Variants in PCDHA9 observed in about 807,000 individuals in gnomAD.
The protein encoded by PCDHA9 is protocadherin alpha-9.
In PCDHA9, 62 loss-of-function variants were observed where a neutral mutation model predicts 62.0. The ratio of observed to expected loss-of-function variants is 1.00; its 90% CI spans 0.81 to 1.23. The LOEUF (loss-of-function observed/expected upper bound fraction) is 1.23. Among genes scored for constraint, PCDHA9 ranks in the 50% most tolerant of loss-of-function variants. The pLI is 0.00. For synonymous variants in PCDHA9, 557 were observed against 567.6 expected, an observed-to-expected ratio of 0.98 and a Z score of 0.27; for missense variants, 1,205 against 1,249.8, an observed-to-expected ratio of 0.96 and a Z score of 0.54.
At chr5:140,884,301 C>G (rs375535055) in intron 1 of PCDHA9, 2 of 1,613,726 alleles carry the variant, frequency 1.2e-6, no homozygotes, top group South Asian at 1.1e-5. Context: ...GCGCCACAGG[C>G]TTCGTCGAGG....
chr5:140,928,081 C>T (rs782268064), intron 1 of PCDHA9: 1 of 1,614,090 alleles, frequency 6.2e-7, no homozygotes, highest in Non-Finnish European at 8.5e-7. Context: ...CTACTACAGC[C>T]TGCTGATTGA....
rs1028376160 is a variant in PCDHA9 at position 140,924,281 on chromosome 5, C to T, written c.2395-54668C>T. Among the ~76,000 whole-genome samples the T allele has an allele frequency of 2.6e-5, 4 of 152,170 alleles. No individual in the cohort carries two copies. The East Asian group carries it at 7.7e-4, about 29-fold the overall frequency. ...TAATGAGGTCTGTACTTGTGACTAC[C>T]TAATAGGCTGACATGTTTCCTCCTT... is the stretch of plus-strand genomic sequence containing the variant. On this transcript the variant is annotated intron_variant, in intron 1 of 3. Coordinates refer to ENST00000532602, the MANE Select transcript of PCDHA9 (RefSeq NM_031857.2).
chr5:141,008,871 C>T (rs1249220900), intron 3 of PCDHA9, among the ~76,000 whole-genome samples: 2 of 152,168 alleles, frequency 1.3e-5, no homozygotes, highest in African/African-American at 4.8e-5. Context: ...TGCTGCATCC[C>T]ACCACCCTTC....
chr5:140,863,356 C>T (rs1554158132), intron 1 of PCDHA9: 1 of 1,255,152 alleles, frequency 8.0e-7, no homozygotes, highest in Non-Finnish European at 1.1e-6. Flanking sequence ...CACGACGCTG[C>T]GGTGCTTGGC....
chr5:140,883,695 C>T, intron 1 of PCDHA9: 2 of 1,613,804 alleles, frequency 1.2e-6, no homozygotes, highest in Non-Finnish European at 1.7e-6. Context: ...CACATCTTCA[C>T]GGTGTCTGCT....
chr5:140,887,561 CT>C (rs2061497104), intron 1 of PCDHA9, among the ~76,000 whole-genome samples: 1 of 151,690 alleles, frequency 6.6e-6, no homozygotes, highest in Non-Finnish European at 1.5e-5. Context: ...ACTGTTAAAA[CT>C]TTTCTTTTTA....
At position 140,871,233 on chromosome 5, in the gene PCDHA9, G is replaced by A. The variant is rs1277389723; in HGVS notation, c.2394+20344G>A. 5 of 1,613,838 alleles carry A rather than the reference G, an allele frequency of 3.1e-6. No individual in the cohort carries two copies. The African/African-American group carries it at 6.7e-5, about 22-fold the overall frequency. On this transcript the variant is annotated intron_variant, in intron 1 of 3. Transcript: ENST00000532602. ...CCATCTGCGTGGTGTCCAGCCTCCT[G>A]GTACTCACGCTGCTGCTGTATACGG...
intron 1 of PCDHA9, among the ~76,000 whole-genome samples, chr5:140,921,264 T>C (rs2080129104): frequency 6.6e-6 from 1 of 152,210 alleles, no homozygotes; most frequent in Non-Finnish European, 1.5e-5. Flanking sequence ...CCTAGACTTT[T>C]ATACTTACTT....
intron 1 of PCDHA9, chr5:140,869,206 G>T (rs192388233): frequency 7.4e-6 from 12 of 1,613,854 alleles, no homozygotes; most frequent in African/African-American, 1.3e-5. Flanking sequence ...CCACTACTCC[G>T]TCTCGGAGGA....
At chr5:140,966,732 G>A in intron 1 of PCDHA9, 1 of 1,415,600 alleles carries the variant, frequency 7.1e-7, no homozygotes, top group South Asian at 1.6e-5. Flanking sequence ...GCCGCCTCCG[G>A]CCCTGCCCGG....
At chr5:140,865,143 T>C (rs142181937) in intron 1 of PCDHA9, 3 of 152,352 alleles carry the variant, frequency 2.0e-5, no homozygotes, top group Admixed American at 1.3e-4. Context: ...GAATTTAACA[T>C]TGTATACTTT....
chr5:141,001,825 CAG>C (rs1244261427), intron 3 of PCDHA9, among the ~76,000 whole-genome samples: 1 of 151,674 alleles, frequency 6.6e-6, no homozygotes, highest in Non-Finnish European at 1.5e-5. Flanking sequence ...CAAATTCTGA[CAG>C]AGAGGGAGAC....
intron 1 of PCDHA9, chr5:140,882,457 G>C: frequency 1.2e-6 from 2 of 1,614,056 alleles, no homozygotes; most frequent in Non-Finnish European, 1.7e-6. Context: ...TGCCGCGCCT[G>C]TTCCGGGTGG....
At chr5:140,904,064 G>C (rs1238949756) in intron 1 of PCDHA9, among the ~76,000 whole-genome samples, 2 of 151,906 alleles carry the variant, frequency 1.3e-5, no homozygotes, top group Non-Finnish European at 2.9e-5. Context: ...TGGGTTTTTG[G>C]GGAACAGTAT....
At position 140,928,256 on chromosome 5, in the gene PCDHA9, CT is replaced by C. The variant is rs1563103175; in HGVS notation, c.2395-50692del. 2.5e-6 allele frequency: 4 copies of C among 1,614,234 alleles called. No homozygotes were observed. The Admixed American group carries it at 6.7e-5, about 27-fold the overall frequency. On this transcript the variant is annotated intron_variant, in intron 1 of 3. Transcript: ENST00000532602. ...CAACCCCAGCAGGAACTTTTCGTTG[CT>C]GAAAACAATGGCCCTGGGGCCTCTC... is the stretch of plus-strand genomic sequence containing the variant.
chr5:140,963,196 G>GA (rs199602110), intron 1 of PCDHA9, among the ~76,000 whole-genome samples: 256 of 147,602 alleles, frequency 1.7e-3, no homozygotes, highest in African/African-American at 4.3e-3. Flanking sequence ...CTGTGAAAAT[G>GA]AAAAAAAAAA....
chr5:140,955,359 C>A (rs1390938554), intron 1 of PCDHA9, among the ~76,000 whole-genome samples: 1 of 151,992 alleles, frequency 6.6e-6, no homozygotes, highest in African/African-American at 2.4e-5. Context: ...TGAGAGGGAC[C>A]CAGTGGGAGG....
At chr5:140,871,564 C>T (rs782409405) in intron 1 of PCDHA9, 16 of 1,482,712 alleles carry the variant, frequency 1.1e-5, no homozygotes, top group East Asian at 2.5e-5. Flanking sequence ...TTTTTTTTCA[C>T]GGATTTTTTA....
intron 2 of PCDHA9, among the ~76,000 whole-genome samples, chr5:140,981,879 A>G (rs1472110145): frequency 3.9e-5 from 6 of 152,158 alleles, no homozygotes; most frequent in Non-Finnish European, 7.3e-5. Context: ...TGCTGAATTA[A>G]TCTCTTCTGA....
Sources: gnomAD v4.1 joint callset for allele counts (sites outside exome capture counted in the v4.1 genomes callset) on GRCh38, gnomAD v4.1.1 for gene constraint, MANE v1.5 for transcripts, NCBI Gene and HGNC (gene_info 2026-07-23, HGNC 2026-07-21) for gene names.